PAQR5: variants seen among roughly 807,000 people sequenced by gnomAD.
The protein encoded by PAQR5 is progestin and adipoQ receptor family member 5, also known as membrane progestin receptor gamma.
A neutral mutation model predicts 34.5 loss-of-function variants in PAQR5; 20 were observed. The ratio of observed to expected loss-of-function variants is 0.58; its 90% CI spans 0.41 to 0.84. The LOEUF is 0.84. PAQR5 is among the 40% of genes least tolerant of loss of function. PAQR5 has a pLI of 0.00. For missense variants in PAQR5, 378 were observed against 412.7 expected (o/e 0.92, Z 0.73); for synonymous variants, 131 against 155.6 (o/e 0.84, Z 1.18).
At chr15:69,401,491 C>T (rs1358791736) in intron 8 of PAQR5, among the ~76,000 whole-genome samples, 1 of 152,238 alleles carries the variant, frequency 6.6e-6, no homozygotes, top group African/African-American at 2.4e-5. Context: ...AGCATCCTGA[C>T]TGCCATGTCC....
intron 1 of PAQR5, among the ~76,000 whole-genome samples, chr15:69,306,718 T>C (rs2053726161): frequency 6.6e-6 from 1 of 152,162 alleles, no homozygotes; most frequent in African/African-American, 2.4e-5. Flanking sequence ...AACCATTTTT[T>C]AAGTCTGCAA....
At chr15:69,393,017 A>G (rs1595936105) in intron 6 of PAQR5, among the ~76,000 whole-genome samples, 1 of 152,202 alleles carries the variant, frequency 6.6e-6, no homozygotes, top group East Asian at 1.9e-4. Context: ...AGGGAAAAAA[A>G]AAAATCCTAC....
At chr15:69,371,336 A>T (rs2055556096) in intron 3 of PAQR5, among the ~76,000 whole-genome samples, 1 of 152,184 alleles carries the variant, frequency 6.6e-6, no homozygotes, top group Admixed American at 6.5e-5. Context: ...TAAATTTTTC[A>T]TATGAAGTTC....
chr15:69,384,384 C>A (rs1215228054), intron 4 of PAQR5, among the ~76,000 whole-genome samples: 1 of 116,144 alleles, frequency 8.6e-6, no homozygotes, highest in Non-Finnish European at 1.8e-5. Flanking sequence ...GTGAGCGGGT[C>A]CTCCGTGTTC....
intron 3 of PAQR5, among the ~76,000 whole-genome samples, chr15:69,369,692 A>G (rs925277608): frequency 6.6e-6 from 1 of 151,818 alleles, no homozygotes; most frequent in African/African-American, 2.4e-5. Flanking sequence ...TAGTAGGGGC[A>G]TGGACCACAA....
chr15:69,334,801 G>A (rs896989895), intron 1 of PAQR5, among the ~76,000 whole-genome samples: 3 of 152,186 alleles, frequency 2.0e-5, no homozygotes, highest in Non-Finnish European at 4.4e-5. Flanking sequence ...CTACTTCAGA[G>A]GGTTTTAAAG....
chr15:69,323,017 C>T (rs542542474), intron 1 of PAQR5, among the ~76,000 whole-genome samples: 8 of 139,610 alleles, frequency 5.7e-5, no homozygotes, highest in South Asian at 2.2e-4. Context: ...TGGGGGACTG[C>T]GGAGGGCTTG....
At chr15:69,310,855 G>A (rs1428707700) in intron 1 of PAQR5, among the ~76,000 whole-genome samples, 6 of 151,806 alleles carry the variant, frequency 4.0e-5, no homozygotes, top group South Asian at 2.1e-4. Context: ...TGGCTAACAC[G>A]GTGAAACCCC....
Position 69,360,097 on chromosome 15 carries a change from TC to T in PAQR5, c.21del (p.Arg8GlyfsTer5), listed in dbSNP as rs1402899577. The T allele has an allele frequency of 6.2e-7, 1 of 1,613,562 alleles. No homozygotes were observed. Among genetic ancestry groups the T allele is most frequent in the African/African-American group, 1.3e-5 (1 of 74,892 alleles). On this transcript the variant is annotated frameshift_variant, in exon 3 of 9. Coordinates refer to ENST00000395407, the MANE Select transcript of PAQR5 (RefSeq NM_017705.4). LOFTEE classifies it high-confidence loss of function. ...AGCTCCAAGATGCTGAGCCTGAAGC[TC>T]CCCAGGCTGTTTAGCATAGACCAGA... Reference protein sequence around the residue: MLSLKLPRLFSIDQIP... With the variant: MLSLKXPRLFSIDQIP...
chr15:69,350,144 C>T (rs2054875755), intron 2 of PAQR5, among the ~76,000 whole-genome samples: 1 of 152,218 alleles, frequency 6.6e-6, no homozygotes, highest in Admixed American at 6.5e-5. Flanking sequence ...GTAGCAGGGG[C>T]CGCGTGGCGG....
chr15:69,396,157 C>T (rs189451028), intron 6 of PAQR5, among the ~76,000 whole-genome samples: 58 of 150,906 alleles, frequency 3.8e-4, no homozygotes, highest in African/African-American at 1.4e-3. Flanking sequence ...CTGCATACTC[C>T]ATGCTGAGAG....
At chr15:69,338,919 G>C (rs1157693689) in intron 2 of PAQR5, among the ~76,000 whole-genome samples, 2 of 152,326 alleles carry the variant, frequency 1.3e-5, no homozygotes, top group Middle Eastern at 3.4e-3. Flanking sequence ...CAAAGGATTA[G>C]AAATTATGAT....
intron 6 of PAQR5, among the ~76,000 whole-genome samples, chr15:69,390,344 A>ATTTTTTTTTTTT (rs201375546): frequency 4.2e-5 from 5 of 118,992 alleles, no homozygotes; most frequent in Non-Finnish European, 9.4e-5. Flanking sequence ...TTATTTATTT[A>ATTTTTTTTTTTT]TTTATTTATT....
rs1464757251 is a variant in PAQR5 at position 69,404,297 on chromosome 15, G to T, written c.*475G>T. ...TGGGAGGACCTGTGAAAGAAAGTTG[G>T]TCACTGAGTGCCTTGGGGACTGGCA... On this transcript the variant is annotated 3_prime_UTR_variant, in exon 9 of 9. Transcript: ENST00000395407. 1 of 161,300 alleles carries T rather than the reference G, an allele frequency of 6.2e-6. No individual in the cohort carries two copies. The highest frequency in any genetic ancestry group is 1.8e-4 in the East Asian group (1 of 5,474). 10.0% of individuals were successfully genotyped at this position (161,300 alleles called of 1,614,324 possible).
chr15:69,379,910 G>T lies in PAQR5; in HGVS notation c.79G>T (p.Gly27Cys). 1 of 1,614,052 alleles carries T rather than the reference G, an allele frequency of 6.2e-7. No individual in the cohort carries two copies. The highest frequency in any genetic ancestry group is 8.5e-7 in the Non-Finnish European group (1 of 1,180,008). Residue 27 changes from glycine to cysteine, a missense_variant, in exon 4 of 9, where the codon GGC becomes TGC. Coordinates refer to ENST00000395407, the MANE Select transcript of PAQR5 (RefSeq NM_017705.4). ...QVFHEQGILF[G>C]YRHPQSSATA... ...GTTCCATGAGCAAGGCATCCTGTTC[G>T]GCTACCGCCATCCACAGAGTTCTGC...
chr15:69,335,905 G>A lies in PAQR5; in HGVS notation c.-276-1436G>A, dbSNP rs538966762. 2.6e-5 allele frequency among the ~76,000 whole-genome samples: 4 copies of A among 152,252 alleles called. No homozygotes were observed. The East Asian group carries it at 7.7e-4, about 29-fold the overall frequency. ...ATATAAAATTTTATTTAAAAAACTA[G>A]CTTTAACATTAAAGATGCACTAATG... is the stretch of plus-strand genomic sequence containing the variant. On this transcript the variant is annotated intron_variant, in intron 1 of 8. Coordinates refer to ENST00000395407, the MANE Select transcript of PAQR5 (RefSeq NM_017705.4).
rs528928180 is a variant in PAQR5, at chr15:69,398,086, G to A, written c.609+522G>A. The stretch of plus-strand genomic sequence containing the variant: ...TCGATTTCCTTCATCTGTAAGCTGG[G>A]CCTGATAACACCTCATGGGCTGTGG... On this transcript the variant is annotated intron_variant, in intron 7 of 8. Transcript: ENST00000395407. Among the ~76,000 whole-genome samples the A allele has an allele frequency of 2.6e-5, 4 of 152,292 alleles. No homozygotes were observed. In the South Asian group the frequency reaches 8.3e-4, roughly 32 times the overall value.
At chr15:69,367,662 T>A (rs1256663872) in intron 3 of PAQR5, among the ~76,000 whole-genome samples, 1 of 152,076 alleles carries the variant, frequency 6.6e-6, no homozygotes, top group African/African-American at 2.4e-5. Context: ...AGGTTCAAGC[T>A]TGGATGGGAG....
chr15:69,386,232 A>G (rs1045510178), intron 5 of PAQR5, among the ~76,000 whole-genome samples: 6 of 150,108 alleles, frequency 4.0e-5, no homozygotes, highest in African/African-American at 1.5e-4. Flanking sequence ...TCTCACATAC[A>G]TCACACACAC....
Sources: allele counts gnomAD v4.1 joint callset (sites outside exome capture counted in the v4.1 genomes callset), GRCh38; gene constraint gnomAD v4.1.1; transcripts MANE v1.5; gene names NCBI Gene and HGNC (gene_info 2026-07-23, HGNC 2026-07-21).